TERT: variants seen among roughly 807,000 people sequenced by gnomAD.
TERT encodes telomerase reverse transcriptase.
A neutral mutation model predicts 104.0 loss-of-function variants in TERT; 42 were observed. The observed-to-expected ratio is 0.40, with a 90% CI of 0.32 to 0.52. TERT has a LOEUF of 0.52. Among genes scored for constraint, TERT ranks in the 20% least tolerant of loss-of-function variants. The pLI, the probability that TERT is intolerant of heterozygous loss-of-function variation, is 0.43. For synonymous variants in TERT, 781 were observed against 725.6 expected, an observed-to-expected ratio of 1.08 and a Z score of -1.23; for missense variants, 1,101 against 1,610.3, an observed-to-expected ratio of 0.68 and a Z score of 5.41.
chr5:1,275,226 T>C (rs1259975403), intron 6 of TERT, among the ~76,000 whole-genome samples: 1 of 151,666 alleles, frequency 6.6e-6, no homozygotes, highest in East Asian at 1.9e-4. Flanking sequence ...ATTACAAAAA[T>C]TAGTCAGCAT....
rs572465055 is a variant in TERT, at chr5:1,282,337, G to C, written c.1769+92C>G. On this transcript the variant is annotated intron_variant, in intron 3 of 15. Coordinates refer to ENST00000310581, the MANE Select transcript of TERT (RefSeq NM_198253.3). ...CCCAGCCCAGAGCTGCACAGCCAGGGAAGCACAGGCAAGTGGAGACAGGCG... is the reference window on the plus strand; with the variant it reads ...CCCAGCCCAGAGCTGCACAGCCAGGCAAGCACAGGCAAGTGGAGACAGGCG... 2 of 1,382,900 alleles carry C rather than the reference G, an allele frequency of 1.4e-6. 1 individual carries two copies. The highest frequency in any genetic ancestry group is 2.3e-5 in the South Asian group (2 of 85,194). 85.7% of individuals were successfully genotyped at this position (1,382,900 alleles called of 1,614,324 possible). A position where few individuals can be genotyped will look rare whatever the true frequency, so the allele number is the denominator to read the frequency against.
intron 2 of TERT, among the ~76,000 whole-genome samples, chr5:1,283,615 C>CGG (rs1750228360): frequency 6.8e-6 from 1 of 146,940 alleles, no homozygotes. Context: ...CTGCACCATC[C>CGG]AGACACCGCA....
At position 1,269,131 on chromosome 5, in the gene TERT, C is replaced by G. The variant is rs1301072959; in HGVS notation, c.2469-498G>C. Among the ~76,000 whole-genome samples the G allele has an allele frequency of 2.0e-5, 3 of 152,044 alleles. No homozygotes were observed. The highest frequency in any genetic ancestry group is 4.8e-5 in the African/African-American group (2 of 41,394). On this transcript the variant is annotated intron_variant, in intron 8 of 15. Coordinates refer to ENST00000310581, the MANE Select transcript of TERT (RefSeq NM_198253.3). The surrounding 1 kb of genome is among the most constrained non-coding windows in gnomAD (Gnocchi z 9.0). ...AGGATGCCAAGGGTGCGTTTTCAGA[C>G]AAACAGTGAGAGCAGAATAGCCCCG...
At chr5:1,291,555 G>A (rs546138988) in intron 2 of TERT, among the ~76,000 whole-genome samples, 2 of 115,472 alleles carry the variant, frequency 1.7e-5, no homozygotes, top group African/African-American at 6.7e-5. Flanking sequence ...AGGGACACCC[G>A]GGGACCGCGC....
rs891246934 is a variant in TERT, at chr5:1,280,203, G to C, written c.1905C>G (p.Asn635Lys). ...PKPDGLRPIV[N>K]MDYVVGARTF... ...TTCTGGCTCCCACGACGTAGTCCAT[G>C]TTCACAATCGGCCGCAGCCCGTCAG... The change falls in exon 4 of 16, where the codon AAC (asparagine) becomes AAG (lysine). Residue 635 changes from asparagine (N) to lysine (K), a missense_variant. Around this residue, in one of 5 missense-constraint regions of TERT, gnomAD observed 463 missense variants for 797.5 expected, o/e 0.58. Coordinates refer to ENST00000310581, the MANE Select transcript of TERT (RefSeq NM_198253.3). The C allele has an allele frequency of 6.2e-7, 1 of 1,613,960 alleles. No homozygotes were observed. Among genetic ancestry groups the C allele is most frequent in the Non-Finnish European group, 8.5e-7 (1 of 1,180,052 alleles).
intron 6 of TERT, 34 bp downstream of exon 6, chr5:1,278,607 C>T (rs763556085): frequency 1.2e-6 from 2 of 1,613,816 alleles, no homozygotes; most frequent in African/African-American, 1.3e-5. Context: ...CAGAGACACA[C>T]ATCCTGGACA....
Position 1,254,260 on chromosome 5 carries a change from C to T in TERT, c.3295+108G>A, listed in dbSNP as rs560335661. The stretch of plus-strand genomic sequence containing the variant: ...GGCTCCAGGCCCCCAGGGTCAGGCC[C>T]GGGGGCGTCTGCACTTCAGCAGCAT... On this transcript the variant is annotated intron_variant, in intron 15 of 15. Coordinates refer to ENST00000310581, the MANE Select transcript of TERT (RefSeq NM_198253.3). 2.1e-5 allele frequency: 32 copies of T among 1,494,674 alleles called. No homozygotes were observed. In the East Asian group the frequency reaches 2.5e-4, roughly 12 times the overall value. 92.6% of individuals were successfully genotyped at this position (1,494,674 alleles called of 1,614,324 possible). A position where few individuals can be genotyped will look rare whatever the true frequency, so the allele number is the denominator to read the frequency against.
In TERT at chr5:1,254,505, C is replaced by T; in HGVS notation, c.3158G>A (p.Gly1053Glu). ...CYSILKAKNA[G>E]MSLGAKGAAG... Reference sequence around the variant, plus strand: ...GGCGCCCTTGGCCCCCAGCGACATCCCTGGGGGAAAACAGAGGCTGAGGAG... The same window carrying T: ...GGCGCCCTTGGCCCCCAGCGACATCTCTGGGGGAAAACAGAGGCTGAGGAG... Residue 1053 changes from glycine to glutamate, a missense_variant and splice_region_variant, in exon 15 of 16, where the codon GGG becomes GAG. This residue lies in a region of TERT where 463 missense variants were observed against 797.5 expected (regional missense o/e 0.58). Transcript: ENST00000310581. 1 of 1,611,364 alleles carries T rather than the reference C, an allele frequency of 6.2e-7. No homozygotes were observed. The highest frequency in any genetic ancestry group is 8.5e-7 in the Non-Finnish European group (1 of 1,179,424).
Position 1,293,610 on chromosome 5 carries a change from A to C in TERT, c.1276T>G (p.Cys426Gly). 6.5e-7 allele frequency: 1 copy of C among 1,549,360 alleles called. No individual in the cohort carries two copies. Among genetic ancestry groups the C allele is most frequent in the Non-Finnish European group, 8.7e-7 (1 of 1,145,808 alleles). Reference protein sequence around the residue: ...RAAVTPAAGVCAREKPQGSVA... With the variant: ...RAAVTPAAGVGAREKPQGSVA... The stretch of plus-strand genomic sequence containing the variant: ...GAGCCCTGGGGCTTCTCCCGGGCAC[A>C]GACACCGGCTGCTGGGGTGACCGCA... Residue 426 changes from cysteine (C) to glycine (G), a missense_variant, in exon 2 of 16, where the codon TGT becomes GGT. By Grantham distance (159) the Cys-to-Gly change is radical (BLOSUM62 -3). Transcript: ENST00000310581.
intron 6 of TERT, among the ~76,000 whole-genome samples, chr5:1,273,957 C>T (rs1424462171): frequency 2.6e-5 from 4 of 152,216 alleles, no homozygotes; most frequent in Non-Finnish European, 4.4e-5. Context: ...TCTGAAGACG[C>T]GGGAGAGAGA....
chr5:1,288,765 T>C lies in TERT; in HGVS notation c.1573+4548A>G, dbSNP rs959901091. 1.3e-5 allele frequency among the ~76,000 whole-genome samples: 2 copies of C among 152,038 alleles called. No homozygotes were observed. The highest frequency in any genetic ancestry group is 2.4e-5 in the African/African-American group (1 of 41,372). Reference sequence around the variant, plus strand: ...AGTCCAGCCTCGGCATGAGACAAGCTGGGAGAGGAGTATTGGCAGCATGCA... The same window carrying C: ...AGTCCAGCCTCGGCATGAGACAAGCCGGGAGAGGAGTATTGGCAGCATGCA... On this transcript the variant is annotated intron_variant, in intron 2 of 15. Transcript: ENST00000310581. This position sits in a 1 kb window ranked among gnomAD's most constrained non-coding sequence, Gnocchi z 5.3.
At chr5:1,289,291 GAC>G in intron 2 of TERT, among the ~76,000 whole-genome samples, 1 of 142,960 alleles carries the variant, frequency 7.0e-6, no homozygotes, top group Admixed American at 6.9e-5. Context: ...GACACCCAGG[GAC>G]GGCGCCTCAC....
intron 13 of TERT, 78 bp downstream of exon 13, chr5:1,258,520 G>T: frequency 7.4e-7 from 1 of 1,345,742 alleles, no homozygotes; most frequent in Non-Finnish European, 1.0e-6. Flanking sequence ...GAGTTCCAAG[G>T]TGAAGCCCCG....
chr5:1,264,315 C>T, intron 11 of TERT, 89 bp downstream of exon 11: 2 of 1,414,384 alleles, frequency 1.4e-6, no homozygotes, highest in Admixed American at 3.9e-5. Flanking sequence ...GTCGCCTGCC[C>T]CACACGGAAG....
Position 1,294,122 on chromosome 5 carries a change from G to T in TERT, c.764C>A (p.Ser255Tyr), listed in dbSNP as rs1751207450. The T allele has an allele frequency of 1.3e-6, 2 of 1,584,268 alleles. No individual in the cohort carries two copies. The highest frequency in any genetic ancestry group is 1.7e-6 in the Non-Finnish European group (2 of 1,167,708). ...EPERTPVGQG[S>Y]WAHPGRTRGP... is the part of the protein sequence containing the mutation. ...ACGCGTCCTGCCCGGGTGGGCCCAG[G>T]ACCCCTGCCCAACGGGCGTCCGCTC... The change falls in exon 2 of 16, where the codon TCC (serine) becomes TAC (tyrosine). Residue 255 changes from serine to tyrosine, a missense_variant. By Grantham distance (144) the Ser-to-Tyr change is moderately radical (BLOSUM62 -2). This residue lies in a region of TERT where 504 missense variants were observed against 544.6 expected (regional missense o/e 0.93). Coordinates refer to ENST00000310581, the MANE Select transcript of TERT (RefSeq NM_198253.3).
intron 2 of TERT, among the ~76,000 whole-genome samples, chr5:1,283,314 T>C (rs1355707346): frequency 1.7e-4 from 14 of 84,140 alleles, no homozygotes; most frequent in East Asian, 8.9e-4. Context: ...ACCATCCGGA[T>C]ACAGCACATC....
At position 1,294,143 on chromosome 5, in the gene TERT, C is replaced by T. The variant is rs1751210062; in HGVS notation, c.743G>A (p.Arg248Gln). 1 of 1,580,784 alleles carries T rather than the reference C, an allele frequency of 6.3e-7. No individual in the cohort carries two copies. Among genetic ancestry groups the T allele is most frequent in the Non-Finnish European group, 8.6e-7 (1 of 1,166,172 alleles). Reference sequence around the variant, plus strand: ...CCAGGACCCCTGCCCAACGGGCGTCCGCTCCGGCTCAGGGGCAGCGCCACG... The same window carrying T: ...CCAGGACCCCTGCCCAACGGGCGTCTGCTCCGGCTCAGGGGCAGCGCCACG... Reference protein sequence around the residue: ...PRRGAAPEPERTPVGQGSWAH... With the variant: ...PRRGAAPEPEQTPVGQGSWAH... Residue 248 changes from arginine (R) to glutamine (Q), a missense_variant, in exon 2 of 16, where the codon CGG becomes CAG. By Grantham distance (43) the Arg-to-Gln change is conservative (BLOSUM62 1). Coordinates refer to ENST00000310581, the MANE Select transcript of TERT (RefSeq NM_198253.3).
At position 1,255,695 on chromosome 5, in the gene TERT, GC is replaced by G. The variant is rs1193487779; in HGVS notation, c.3033-285del. Among the ~76,000 whole-genome samples, 1 of 152,204 alleles carries G rather than the reference GC, an allele frequency of 6.6e-6. No individual in the cohort carries two copies. The highest frequency in any genetic ancestry group is 2.4e-5 in the African/African-American group (1 of 41,450). ...TGAAGCAGCTCCATCCTGGATGCCA[GC>G]CCCCCATGCTGGCTTCTGATTAGCC... On this transcript the variant is annotated intron_variant, in intron 13 of 15. Transcript: ENST00000310581. This position sits in a 1 kb window ranked among gnomAD's most constrained non-coding sequence, Gnocchi z 6.9.
chr5:1,281,699 G>A (rs998567949), intron 3 of TERT, among the ~76,000 whole-genome samples: 3 of 152,120 alleles, frequency 2.0e-5, no homozygotes, highest in Non-Finnish European at 2.9e-5. Context: ...CCCTGCACAG[G>A]TGCTCCCTGC....
Sources: gnomAD v4.1 joint callset for allele counts (sites outside exome capture counted in the v4.1 genomes callset) on GRCh38, gnomAD v4.1.1 for gene constraint, gnomAD v4.1.1 regional missense constraint, Gnocchi (gnomAD v3.1) non-coding constraint, MANE v1.5 for transcripts, NCBI Gene and HGNC (gene_info 2026-07-23, HGNC 2026-07-21) for gene names.